VHL: variants seen among roughly 807,000 people sequenced by gnomAD.
VHL encodes the protein von Hippel-Lindau disease tumor suppressor.
A neutral mutation model predicts 19.2 loss-of-function variants in VHL; 10 were observed. The ratio of observed to expected loss-of-function variants is 0.52; its 90% CI spans 0.32 to 0.89. VHL has a LOEUF of 0.89. Among genes scored for constraint, VHL ranks in the 40% least tolerant of loss-of-function variants. VHL has a pLI of 0.03. For missense variants in VHL, 328 were observed against 292.7 expected, an observed-to-expected ratio of 1.12 and a Z score of -0.88; for synonymous variants, 167 against 129.5, an observed-to-expected ratio of 1.29 and a Z score of -1.97.
At position 10,149,300 on chromosome 3, in the gene VHL, G is replaced by T. The variant is rs148248237; in HGVS notation, c.464-487G>T. 5.9e-3 allele frequency among the ~76,000 whole-genome samples: 892 copies of T among 151,854 alleles called. 12 individuals are homozygous for T. Among genetic ancestry groups the T allele is most frequent in the African/African-American group, 0.02 (830 of 41,358 alleles). On this transcript the variant is annotated intron_variant, in intron 2 of 2. Coordinates refer to ENST00000256474, the MANE Select transcript of VHL (RefSeq NM_000551.4). ...GCTAATTTTTTGTGTATTTTGTAGA[G>T]ACGGGGTTTCGCCATGTTGCCAGGC...
chr3:10,145,684 C>T (rs552235926), intron 1 of VHL, among the ~76,000 whole-genome samples: 7 of 136,268 alleles, frequency 5.1e-5, no homozygotes, highest in African/African-American at 2.0e-4. Context: ...CCAGCCTGGG[C>T]GACAGAGCAA....
intron 2 of VHL, among the ~76,000 whole-genome samples, chr3:10,147,252 T>C (rs1217122039): frequency 1.3e-5 from 2 of 152,056 alleles, no homozygotes; most frequent in Non-Finnish European, 2.9e-5. Flanking sequence ...CCTCATGATC[T>C]GCCCGCCTAC....
intron 1 of VHL, among the ~76,000 whole-genome samples, chr3:10,144,840 A>G (rs1696217977): frequency 6.6e-6 from 1 of 152,118 alleles, no homozygotes; most frequent in South Asian, 2.1e-4. Flanking sequence ...TACATGTGCC[A>G]TGTTGGTGTG....
intron 1 of VHL, 130 bp downstream of exon 1, chr3:10,142,317 G>A (rs1696145822): frequency 3.2e-6 from 3 of 931,836 alleles, no homozygotes; most frequent in Non-Finnish European, 4.8e-6. Flanking sequence ...CCAGGGTGAC[G>A]CTGCTCGTAA....
rs777130107 is a variant in VHL at position 10,149,937 on chromosome 3, G to T, written c.614G>T (p.Arg205Leu). ...QKDLERLTQERIAHQRMGD is the reference protein window; with the variant it reads ...QKDLERLTQELIAHQRMGD ...GACCTGGAGCGGCTGACACAGGAGCGCATTGCACATCAACGGATGGGAGAT... is the reference window on the plus strand; with the variant it reads ...GACCTGGAGCGGCTGACACAGGAGCTCATTGCACATCAACGGATGGGAGAT... The change falls in exon 3 of 3, where the codon CGC (arginine) becomes CTC (leucine). Residue 205 changes from arginine (R) to leucine (L), a missense_variant. Physicochemically the swap from Arg to Leu is moderately radical, Grantham distance 102 (BLOSUM62 -2). Transcript: ENST00000256474. The T allele has an allele frequency of 1.2e-5, 19 of 1,614,068 alleles. No homozygotes were observed. Among genetic ancestry groups the T allele is most frequent in the Non-Finnish European group, 1.6e-5 (19 of 1,179,978 alleles).
chr3:10,147,043 G>T (rs1575928675), intron 2 of VHL, among the ~76,000 whole-genome samples: 1 of 152,042 alleles, frequency 6.6e-6, no homozygotes, highest in African/African-American at 2.4e-5. Flanking sequence ...ACAGAATCTC[G>T]CTGTGTTAGC....
chr3:10,142,983 G>A lies in VHL; in HGVS notation c.340+796G>A, dbSNP rs1335791622. ...CAGTTAAGGAGCACTTCCCGGAGAA[G>A]GAAGAGAGCAGGATGGAGTAGGAAC... On this transcript the variant is annotated intron_variant, in intron 1 of 2. Transcript: ENST00000256474. The A allele has an allele frequency of 6.6e-6, 1 of 152,406 alleles. No individual in the cohort carries two copies. Among genetic ancestry groups the A allele is most frequent in the African/African-American group, 2.4e-5 (1 of 41,464 alleles). The allele number at this position is 152,406 out of a possible 1,614,324, so 9.4% of individuals were successfully genotyped here. A position where few individuals can be genotyped will look rare whatever the true frequency, so the allele number is the denominator to read the frequency against.
Position 10,150,304 on chromosome 3 carries a change from G to C in VHL, c.*339G>C. The C allele has an allele frequency of 5.5e-6, 7 of 1,273,022 alleles. No homozygotes were observed. Among genetic ancestry groups the C allele is most frequent in the Non-Finnish European group, 6.0e-6 (6 of 996,528 alleles). 78.9% of individuals were successfully genotyped at this position (1,273,022 alleles called of 1,614,324 possible). On this transcript the variant is annotated 3_prime_UTR_variant, in exon 3 of 3. Transcript: ENST00000256474. ...ATTGCAGCATATCGTTTAATTTTAA[G>C]AAGGCATTGGCATCTGCTTTTAATG...
In VHL at chr3:10,150,056, T is replaced by G; in HGVS notation, c.*91T>G. 1 of 1,552,042 alleles carries G rather than the reference T, an allele frequency of 6.4e-7. No individual in the cohort carries two copies. Among genetic ancestry groups the G allele is most frequent in the Admixed American group, 2.0e-5 (1 of 51,242 alleles). ...GATACAGGACTGGTTCCTTCCTTAG[T>G]TTCAAAGTGTCTCATTCTCAGAGTA... On this transcript the variant is annotated 3_prime_UTR_variant, in exon 3 of 3. Coordinates refer to ENST00000256474, the MANE Select transcript of VHL (RefSeq NM_000551.4).
Position 10,149,784 on chromosome 3 carries a change from C to T in VHL, c.464-3C>T, listed in dbSNP as rs904414377. 2 of 1,613,820 alleles carry T rather than the reference C, an allele frequency of 1.2e-6. No individual in the cohort carries two copies. The highest frequency in any genetic ancestry group is 1.7e-6 in the Non-Finnish European group (2 of 1,179,984). On this transcript the variant is annotated splice_region_variant and splice_polypyrimidine_tract_variant and intron_variant, in intron 2 of 2. Transcript: ENST00000256474. ...ACTGAGGATTTGGTTTTTGCCCTTC[C>T]AGTGTATACTCTGAAAGAGCGATGC...
rs5030827 is a variant in VHL at position 10,142,097 on chromosome 3, G to C, written c.250G>C (p.Val84Leu). 1 of 1,603,910 alleles carries C rather than the reference G, an allele frequency of 6.2e-7. No individual in the cohort carries two copies. The highest frequency in any genetic ancestry group is 1.7e-5 in the Admixed American group (1 of 59,962). ...CTTCTGCAATCGCAGTCCGCGCGTCGTGCTGCCCGTATGGCTCAACTTCGA... is the reference window on the plus strand; with the variant it reads ...CTTCTGCAATCGCAGTCCGCGCGTCCTGCTGCCCGTATGGCTCAACTTCGA... ...VIFCNRSPRV[V>L]LPVWLNFDGE... is the part of the protein sequence containing the mutation. The change falls in exon 1 of 3, where the codon GTG becomes CTG. Residue 84 changes from valine to leucine, a missense_variant. Transcript: ENST00000256474.
In VHL at chr3:10,152,934, G is replaced by A. The variant is rs945147150; in HGVS notation, c.*2969G>A. Among the ~76,000 whole-genome samples, 8 of 151,836 alleles carry A rather than the reference G, an allele frequency of 5.3e-5. No individual in the cohort carries two copies. Among genetic ancestry groups the A allele is most frequent in the African/African-American group, 1.9e-4 (8 of 41,308 alleles). On this transcript the variant is annotated 3_prime_UTR_variant, in exon 3 of 3. Coordinates refer to ENST00000256474, the MANE Select transcript of VHL (RefSeq NM_000551.4). ...AAGGCGGATGGATCACCTGAGGTCA[G>A]GAGCTGAAGACCAGCCTGGCTAACA...
At position 10,141,922 on chromosome 3, in the gene VHL, T is replaced by C. The variant is rs1553619317; in HGVS notation, c.75T>C (p.Pro25=). ...AEEAGVEEYG[P]EEDGGEESGA... Reference sequence around the variant, plus strand: ...AGGCAGGCGTCGAAGAGTACGGCCCTGAAGAAGACGGCGGGGAGGAGTCGG... The same window carrying C: ...AGGCAGGCGTCGAAGAGTACGGCCCCGAAGAAGACGGCGGGGAGGAGTCGG... Residue 25 remains proline, a synonymous_variant, in exon 1 of 3, where the codon CCT becomes CCC. Transcript: ENST00000256474. 1.3e-6 allele frequency: 2 copies of C among 1,539,348 alleles called. No homozygotes were observed. Among genetic ancestry groups the C allele is most frequent in the South Asian group, 2.4e-5 (2 of 82,752 alleles).
Position 10,152,911 on chromosome 3 carries a change from G to C in VHL, c.*2946G>C, listed in dbSNP as rs1051971842. On this transcript the variant is annotated 3_prime_UTR_variant, in exon 3 of 3. Transcript: ENST00000256474. ...TAATCCCAGCATTTTGGGAGACCAA[G>C]GCGGATGGATCACCTGAGGTCAGGA... 6.6e-6 allele frequency among the ~76,000 whole-genome samples: 1 copy of C among 152,106 alleles called. No homozygotes were observed. Among genetic ancestry groups the C allele is most frequent in the Non-Finnish European group, 1.5e-5 (1 of 68,016 alleles).
rs573133142 is a variant in VHL, at chr3:10,148,590, A to G, written c.464-1197A>G. 8.6e-5 allele frequency among the ~76,000 whole-genome samples: 13 copies of G among 151,846 alleles called. No homozygotes were observed. The East Asian group carries it at 2.3e-3, about 27-fold the overall frequency. ...CGGCCTCCCAAAGTGCTGGGATTAC[A>G]GGCGTGAGCCACCGCGCCCGGCCTA... On this transcript the variant is annotated intron_variant, in intron 2 of 2. Transcript: ENST00000256474.
chr3:10,147,809 G>A (rs9829290), intron 2 of VHL, among the ~76,000 whole-genome samples: 15,977 of 151,998 alleles, frequency 0.11, 2,118 homozygotes, highest in African/African-American at 0.31. Flanking sequence ...GCAGTGTGTG[G>A]TGGCTCCTGC....
At position 10,146,391 on chromosome 3, in the gene VHL, G is replaced by T. The variant is rs534757144; in HGVS notation, c.341-123G>T. 488 of 1,330,060 alleles carry T rather than the reference G, an allele frequency of 3.7e-4. 9 individuals are homozygous for T. In the South Asian group the frequency reaches 5.5e-3, roughly 15 times the overall value. The allele number at this position is 1,330,060 out of a possible 1,614,324, so 82.4% of individuals were successfully genotyped here. A position where few individuals can be genotyped will look rare whatever the true frequency, so the allele number is the denominator to read the frequency against. Reference sequence around the variant, plus strand: ...AGGTTTCACCACGTTAGCCAGGACGGTCTTGATCTCCTGACCTCATGATCC... The same window carrying T: ...AGGTTTCACCACGTTAGCCAGGACGTTCTTGATCTCCTGACCTCATGATCC... On this transcript the variant is annotated intron_variant, in intron 1 of 2. Coordinates refer to ENST00000256474, the MANE Select transcript of VHL (RefSeq NM_000551.4).
intron 2 of VHL, among the ~76,000 whole-genome samples, chr3:10,147,087 C>T (rs974840233): frequency 1.3e-5 from 2 of 152,148 alleles, no homozygotes; most frequent in African/African-American, 4.8e-5. Context: ...TCTCGGCTCA[C>T]TGCAACCTCC....
At chr3:10,144,939 T>C (rs1253784508) in intron 1 of VHL, among the ~76,000 whole-genome samples, 1 of 152,170 alleles carries the variant, frequency 6.6e-6, no homozygotes, top group African/African-American at 2.4e-5. Flanking sequence ...TTAAAAATGG[T>C]TAAAATGGTA....
Sources: allele counts gnomAD v4.1 joint callset (sites outside exome capture counted in the v4.1 genomes callset), GRCh38; gene constraint gnomAD v4.1.1; transcripts MANE v1.5; gene names NCBI Gene and HGNC (gene_info 2026-07-23, HGNC 2026-07-21).